Variants in ZNF462 observed in about 807,000 individuals in gnomAD.
The protein encoded by ZNF462 is zinc finger protein 462, also known as zinc finger PBX1-interacting protein.
In ZNF462, 10 loss-of-function variants were observed where a neutral mutation model predicts 201.9. That is an observed-to-expected ratio of 0.05 (90% confidence interval 0.03 to 0.08). ZNF462 has a LOEUF of 0.08. Ranked by LOEUF, ZNF462 falls within the 10% of genes least tolerant of loss-of-function variation. The probability of loss-of-function intolerance (pLI) is 1.00; values close to 1 mark genes in which losing one functional copy is unlikely to be tolerated. For synonymous variants in ZNF462, 1,227 were observed against 1,193.3 expected (o/e 1.03, Z -0.58); for missense variants, 2,523 against 3,168.3 (o/e 0.80, Z 4.89).
intron 1 of ZNF462, among the ~76,000 whole-genome samples, chr9:106,891,181 C>CA (rs1010522139): frequency 3.3e-5 from 5 of 152,000 alleles, no homozygotes; most frequent in Non-Finnish European, 2.9e-5. Flanking sequence ...CAACAAGAGA[C>CA]AAAAAAGAAA....
At chr9:106,878,711 G>T (rs1045606474) in intron 1 of ZNF462, among the ~76,000 whole-genome samples, 3 of 152,216 alleles carry the variant, frequency 2.0e-5, no homozygotes, top group African/African-American at 7.2e-5. Context: ...AGTGGCTTAG[G>T]CTGTGGGTAG....
intron 6 of ZNF462, among the ~76,000 whole-genome samples, chr9:106,936,838 A>G (rs1830651895): frequency 6.6e-6 from 1 of 152,196 alleles, no homozygotes; most frequent in Non-Finnish European, 1.5e-5. Flanking sequence ...CTGCACACTG[A>G]TGCCAGCGTA....
At chr9:106,912,201 G>A (rs967015254) in intron 1 of ZNF462, among the ~76,000 whole-genome samples, 5 of 152,130 alleles carry the variant, frequency 3.3e-5, no homozygotes, top group African/African-American at 9.7e-5. Context: ...GATGTTTCTC[G>A]TGGGGTAGAT....
chr9:106,946,810 A>G (rs945564733), intron 7 of ZNF462, among the ~76,000 whole-genome samples: 1 of 152,098 alleles, frequency 6.6e-6, no homozygotes, highest in Non-Finnish European at 1.5e-5. Flanking sequence ...CTCTACAAAA[A>G]TATAAAAATA....
intron 10 of ZNF462, among the ~76,000 whole-genome samples, chr9:106,986,976 C>CACAGATAGATAG (rs1554716064): frequency 7.0e-6 from 1 of 143,338 alleles, no homozygotes; most frequent in African/African-American, 2.6e-5. Context: ...AGTATTCCAT[C>CACAGATAGATAG]ATAGATAGAT....
At position 107,012,828 on chromosome 9, in the gene ZNF462, A is replaced by G. The variant is rs1830002405; in HGVS notation, c.*1798A>G. ...AGCTTCAAATAAAATCCATGGAAAG[A>G]TGTTGCATTTGTGGAATAAGTGCTT... On this transcript the variant is annotated 3_prime_UTR_variant, in exon 13 of 13. Transcript: ENST00000277225. The G allele has an allele frequency of 1.3e-5, 2 of 151,596 alleles. No homozygotes were observed. Among genetic ancestry groups the G allele is most frequent in the South Asian group, 4.2e-4 (2 of 4,806 alleles). The allele number at this position is 151,596 out of a possible 1,614,324, so 9.4% of individuals were successfully genotyped here. A position where few individuals can be genotyped will look rare whatever the true frequency, so the allele number is the denominator to read the frequency against.
chr9:106,908,198 A>G (rs1395258890), intron 1 of ZNF462, among the ~76,000 whole-genome samples: 4 of 152,158 alleles, frequency 2.6e-5, no homozygotes, highest in South Asian at 4.1e-4. Context: ...ATTTCCAGAT[A>G]TAGAATATGA....
At chr9:106,959,997 CATGGAAATAG>C (rs1831756089) in intron 7 of ZNF462, among the ~76,000 whole-genome samples, 1 of 151,984 alleles carries the variant, frequency 6.6e-6, no homozygotes, top group Non-Finnish European at 1.5e-5. Flanking sequence ...TCTTACACTG[CATGGAAATAG>C]GTGAAAATAA....
rs560386555 is a variant in ZNF462, at chr9:106,954,175, C to T, written c.6427+15068C>T. On this transcript the variant is annotated intron_variant, in intron 7 of 12. Transcript: ENST00000277225. This position sits in a 1 kb window ranked among gnomAD's most constrained non-coding sequence, Gnocchi z 4.0. Reference sequence around the variant, plus strand: ...TGCTATAAAGAACTACCTGAGACTGCGTAATTTATAAAGAAAAGAGGTTTA... The same window carrying T: ...TGCTATAAAGAACTACCTGAGACTGTGTAATTTATAAAGAAAAGAGGTTTA... Among the ~76,000 whole-genome samples, 16 of 152,106 alleles carry T rather than the reference C, an allele frequency of 1.1e-4. No individual in the cohort carries two copies. The highest frequency in any genetic ancestry group is 6.2e-4 in the South Asian group (3 of 4,814).
intron 1 of ZNF462, among the ~76,000 whole-genome samples, chr9:106,907,435 C>A (rs1829318320): frequency 6.9e-6 from 1 of 144,016 alleles, no homozygotes; most frequent in African/African-American, 2.8e-5. Flanking sequence ...GATATTGTTT[C>A]TTCTTGGATT....
rs1340161332 is a variant in ZNF462, at chr9:106,913,640, C to G, written c.-30-9714C>G. 2.2e-5 allele frequency among the ~76,000 whole-genome samples: 3 copies of G among 138,432 alleles called. No homozygotes were observed. Among genetic ancestry groups the G allele is most frequent in the Non-Finnish European group, 5.0e-5 (3 of 60,018 alleles). 90.8% of individuals were successfully genotyped at this position (138,432 alleles called of 152,430 possible). On this transcript the variant is annotated intron_variant, in intron 1 of 12. Coordinates refer to ENST00000277225, the MANE Select transcript of ZNF462 (RefSeq NM_021224.6). This position sits in a 1 kb window ranked among gnomAD's most constrained non-coding sequence, Gnocchi z 4.1. The stretch of plus-strand genomic sequence containing the variant: ...TTTGAGACAATCTCATTCTGTGACC[C>G]AGGCTGGAGTGCAGTGGCATGATCT...
At position 106,870,216 on chromosome 9, in the gene ZNF462, T is replaced by G. The variant is rs1226511938; in HGVS notation, c.-31+6861T>G. ...CAAATGCATTGCCTTTTACTTCTGG[T>G]GAGCACATTACTTGGTGTCTTCAAA... On this transcript the variant is annotated intron_variant, in intron 1 of 12. Transcript: ENST00000277225. The surrounding 1 kb of genome is among the most constrained non-coding windows in gnomAD (Gnocchi z 4.3). Among the ~76,000 whole-genome samples the G allele has an allele frequency of 2.0e-5, 3 of 152,216 alleles. No homozygotes were observed. The highest frequency in any genetic ancestry group is 7.2e-5 in the African/African-American group (3 of 41,450).
rs991579419 is a variant in ZNF462, at chr9:106,932,135, G to A, written c.6013-311G>A. ...CCCTCTAGGGGTAGCTGGAGAGGCA[G>A]GGGAGGAAGCTTTGACAAGAAGTGC... On this transcript the variant is annotated intron_variant, in intron 4 of 12. Transcript: ENST00000277225. The surrounding 1 kb of genome is among the most constrained non-coding windows in gnomAD (Gnocchi z 6.8). 1.4e-6 allele frequency: 2 copies of A among 1,403,968 alleles called. No individual in the cohort carries two copies. The highest frequency in any genetic ancestry group is 2.9e-5 in the African/African-American group (2 of 69,862). 87.0% of individuals were successfully genotyped at this position (1,403,968 alleles called of 1,614,324 possible). A position where few individuals can be genotyped will look rare whatever the true frequency, so the allele number is the denominator to read the frequency against.
rs1829932214 is a variant in ZNF462, at chr9:106,920,154, T to C, written c.-30-3200T>C. Among the ~76,000 whole-genome samples the C allele has an allele frequency of 6.6e-6, 1 of 152,116 alleles. No homozygotes were observed. The highest frequency in any genetic ancestry group is 6.5e-5 in the Admixed American group (1 of 15,282). On this transcript the variant is annotated intron_variant, in intron 1 of 12. Coordinates refer to ENST00000277225, the MANE Select transcript of ZNF462 (RefSeq NM_021224.6). This position sits in a 1 kb window ranked among gnomAD's most constrained non-coding sequence, Gnocchi z 4.3. ...GAGCTTATTTCTCACCTTTTTTTTT[T>C]TTCCTCGGTTTTGGTTTCTTAGAGG...
rs1340387330 is a variant in ZNF462 at position 106,926,422 on chromosome 9, G to A, written c.2510G>A (p.Gly837Asp). The A allele has an allele frequency of 1.9e-6, 3 of 1,614,140 alleles. No individual in the cohort carries two copies. Among genetic ancestry groups the A allele is most frequent in the African/African-American group, 1.3e-5 (1 of 75,012 alleles). The change falls in exon 3 of 13, where the codon GGT (glycine) becomes GAT (aspartate). Residue 837 changes from glycine to aspartate, a missense_variant. Around this residue, in one of 15 missense-constraint regions of ZNF462, gnomAD observed 383 missense variants for 453.4 expected, o/e 0.84. Transcript: ENST00000277225. The surrounding 1 kb of genome is among the most constrained non-coding windows in gnomAD (Gnocchi z 7.9). The stretch of plus-strand genomic sequence containing the variant: ...CACAATAGTGAAAACACAGACTTTG[G>A]TGACTCTGGAAGGCTTTACTATTGT... ...TEHNSENTDF[G>D]DSGRLYYCKH...
chr9:106,930,657 G>T lies in ZNF462; in HGVS notation c.5980G>T (p.Gly1994Cys). 1 of 1,614,152 alleles carries T rather than the reference G, an allele frequency of 6.2e-7. No individual in the cohort carries two copies. Among genetic ancestry groups the T allele is most frequent in the South Asian group, 1.1e-5 (1 of 91,076 alleles). The change falls in exon 4 of 13, where the codon GGC becomes TGC. Residue 1994 changes from glycine (G) to cysteine (C), a missense_variant. Gly to Cys is a radical substitution (Grantham distance 159, BLOSUM62 -3). Transcript: ENST00000277225. This position sits in a 1 kb window ranked among gnomAD's most constrained non-coding sequence, Gnocchi z 5.8. ...TCACCTCCGAAAGCACGTCCAGTAT[G>T]GCAATGTCCCAGCTGTGTCAGCTGC... The part of the protein sequence containing the change: ...CNHLRKHVQY[G>C]NVPAVSAAVK...
chr9:106,975,552 G>A (rs1032233924), intron 9 of ZNF462: 2 of 152,236 alleles, frequency 1.3e-5, no homozygotes, highest in African/African-American at 4.8e-5. Context: ...CCACCTGCAA[G>A]CTGGGAGAAG....
chr9:106,910,362 GTTTTTTT>G (rs1011376719), intron 1 of ZNF462, among the ~76,000 whole-genome samples: 2 of 64,796 alleles, frequency 3.1e-5, no homozygotes, highest in African/African-American at 1.2e-4. Flanking sequence ...CCTTGTTTTA[GTTTTTTT>G]TTTTTTTTTT....
chr9:107,000,676 G>C (rs1829118055), intron 10 of ZNF462, among the ~76,000 whole-genome samples: 1 of 152,140 alleles, frequency 6.6e-6, no homozygotes. Context: ...TCCTGGGTTA[G>C]CCTGGGATGA....
Sources: allele counts gnomAD v4.1 joint callset (sites outside exome capture counted in the v4.1 genomes callset), GRCh38; gene constraint gnomAD v4.1.1; regional missense constraint gnomAD v4.1.1; non-coding constraint Gnocchi (gnomAD v3.1); transcripts MANE v1.5; gene names NCBI Gene and HGNC (gene_info 2026-07-23, HGNC 2026-07-21).